The following GARRE1 variants were observed in gnomAD, a reference collection of about 807,000 sequenced individuals.
GARRE1 encodes the protein granule associated Rac and RHOG effector 1.
In GARRE1, 49 loss-of-function variants were observed where a neutral mutation model predicts 103.2. That is an observed-to-expected ratio of 0.47 (90% CI 0.38 to 0.60). The LOEUF (loss-of-function observed/expected upper bound fraction) is 0.60. Ranked by LOEUF, GARRE1 falls within the 20% of genes least tolerant of loss-of-function variation. The pLI, the probability that GARRE1 is intolerant of heterozygous loss-of-function variation, is 0.00. For missense variants in GARRE1, 1,199 were observed against 1,370.5 expected (o/e 0.87, Z 1.98); for synonymous variants, 505 against 532.8 (o/e 0.95, Z 0.72).
At chr19:34,345,184 C>A (rs1039863285) in intron 10 of GARRE1, among the ~76,000 whole-genome samples, 5 of 152,100 alleles carry the variant, frequency 3.3e-5, no homozygotes, top group Admixed American at 1.3e-4. Flanking sequence ...ACCTCCTGAC[C>A]TCAGGTGATC....
rs2074249950 is a variant in GARRE1, at chr19:34,353,153, G to A, written c.*198G>A. On this transcript the variant is annotated 3_prime_UTR_variant, in exon 14 of 14. Coordinates refer to ENST00000299505, the MANE Select transcript of GARRE1 (RefSeq NM_014686.5). ...CCTGGCTTCTGAAACGATGGCATCA[G>A]AGCCCTGGAGAGCCAGCTGGAGACA... 2 of 545,160 alleles carry A rather than the reference G, an allele frequency of 3.7e-6. No homozygotes were observed. The highest frequency in any genetic ancestry group is 4.8e-4 in the Middle Eastern group (1 of 2,096). The allele number at this position is 545,160 out of a possible 1,614,324, so 33.8% of individuals were successfully genotyped here.
chr19:34,276,893 G>T (rs1028391424), intron 1 of GARRE1, among the ~76,000 whole-genome samples: 1 of 152,184 alleles, frequency 6.6e-6, no homozygotes, highest in Non-Finnish European at 1.5e-5. Context: ...TGTGCCAGGT[G>T]GTAAAGTGTA....
At chr19:34,312,015 T>C (rs1195791270) in intron 2 of GARRE1, among the ~76,000 whole-genome samples, 2 of 151,972 alleles carry the variant, frequency 1.3e-5, no homozygotes, top group East Asian at 3.9e-4. Flanking sequence ...GGAGTCTCAC[T>C]GTGTTGCCCA....
intron 10 of GARRE1, among the ~76,000 whole-genome samples, chr19:34,347,334 C>T (rs2074216173): frequency 6.6e-6 from 1 of 152,120 alleles, no homozygotes; most frequent in Non-Finnish European, 1.5e-5. Context: ...TCGTGATCCA[C>T]CCACCTCAGC....
intron 7 of GARRE1, among the ~76,000 whole-genome samples, chr19:34,330,883 C>G (rs928801497): frequency 6.7e-6 from 1 of 149,868 alleles, no homozygotes; most frequent in African/African-American, 2.4e-5. Context: ...GGTAGGCACC[C>G]GCCACCACAT....
chr19:34,257,309 G>A (rs1267403865), intron 1 of GARRE1, among the ~76,000 whole-genome samples: 1 of 152,116 alleles, frequency 6.6e-6, no homozygotes, highest in African/African-American at 2.4e-5. Context: ...CTGAAAGCTA[G>A]CAGGCTGGGA....
intron 1 of GARRE1, among the ~76,000 whole-genome samples, chr19:34,287,997 C>T (rs1284418456): frequency 2.0e-5 from 3 of 152,154 alleles, no homozygotes; most frequent in Admixed American, 6.5e-5. Context: ...CTGATGACCA[C>T]ACCCTGACAA....
chr19:34,308,383 A>G (rs2074021247), intron 2 of GARRE1, among the ~76,000 whole-genome samples: 1 of 152,094 alleles, frequency 6.6e-6, no homozygotes, highest in African/African-American at 2.4e-5. Flanking sequence ...TGCTAATCAG[A>G]AACTGAAGTT....
intron 1 of GARRE1, among the ~76,000 whole-genome samples, chr19:34,289,163 G>C (rs1353103050): frequency 1.3e-5 from 2 of 150,880 alleles, no homozygotes; most frequent in Non-Finnish European, 3.0e-5. Flanking sequence ...GGTTGGGCAT[G>C]GCGGCTCACG....
At chr19:34,304,841 G>C (rs921209776) in intron 2 of GARRE1, among the ~76,000 whole-genome samples, 1 of 151,394 alleles carries the variant, frequency 6.6e-6, no homozygotes, top group East Asian at 1.9e-4. Flanking sequence ...GCCCAGGCTG[G>C]AGTGCAGTGG....
rs558455019 is a variant in GARRE1, at chr19:34,352,700, G to C, written c.2958G>C (p.Pro986=). 6.2e-6 allele frequency: 10 copies of C among 1,613,704 alleles called. No homozygotes were observed. The South Asian group carries it at 8.8e-5, about 14-fold the overall frequency. The stretch of plus-strand genomic sequence containing the variant: ...AAGCACCCTGGCAGCACCCTTCCCC[G>C]CTTCCCAGCACGCTGCCCAGCCCCA... ...PPKAPWQHPS[P]LPSTLPSPSA... is the part of the protein sequence containing the mutation. Residue 986 remains proline (P), a synonymous_variant, in exon 14 of 14, where the codon CCG becomes CCC. Transcript: ENST00000299505.
chr19:34,301,588 A>G (rs528748047), intron 2 of GARRE1, among the ~76,000 whole-genome samples: 4 of 151,852 alleles, frequency 2.6e-5, no homozygotes, highest in Admixed American at 2.6e-4. Context: ...TGTCTTTCAA[A>G]TTTTCAAGTC....
intron 10 of GARRE1, among the ~76,000 whole-genome samples, chr19:34,346,540 G>T (rs1056273634): frequency 1.3e-5 from 2 of 152,058 alleles, no homozygotes; most frequent in East Asian, 3.8e-4. Flanking sequence ...TAACGTTCAG[G>T]TTATCAGTTG....
chr19:34,345,957 T>A (rs1196668249), intron 10 of GARRE1, among the ~76,000 whole-genome samples: 2 of 152,248 alleles, frequency 1.3e-5, no homozygotes, highest in Admixed American at 1.3e-4. Flanking sequence ...CTGAAGTCCA[T>A]GGTGTAGTTT....
intron 1 of GARRE1, among the ~76,000 whole-genome samples, chr19:34,261,511 A>G (rs1047136371): frequency 1.3e-5 from 2 of 152,132 alleles, no homozygotes; most frequent in African/African-American, 2.4e-5. Flanking sequence ...AATGACAGAT[A>G]AGCTCTTCCT....
rs1296094708 is a variant in GARRE1 at position 34,354,892 on chromosome 19, C to T, written c.*1937C>T. 6.6e-6 allele frequency: 1 copy of T among 152,528 alleles called. No individual in the cohort carries two copies. The highest frequency in any genetic ancestry group is 1.5e-5 in the Non-Finnish European group (1 of 68,022). The allele number at this position is 152,528 out of a possible 1,614,324, so 9.4% of individuals were successfully genotyped here. Reference sequence around the variant, plus strand: ...CTTTTGCCGTGGTTCTGAGCATTCACCTCACCATGTTTACAAAGAACTGTT... The same window carrying T: ...CTTTTGCCGTGGTTCTGAGCATTCATCTCACCATGTTTACAAAGAACTGTT... On this transcript the variant is annotated 3_prime_UTR_variant, in exon 14 of 14. Transcript: ENST00000299505.
At chr19:34,306,476 C>T (rs1046620523) in intron 2 of GARRE1, among the ~76,000 whole-genome samples, 1 of 152,210 alleles carries the variant, frequency 6.6e-6, no homozygotes, top group African/African-American at 2.4e-5. Context: ...TGGTTGCTGA[C>T]TGTGTGCTCT....
At chr19:34,352,521 G>T in intron 13 of GARRE1, 126 bp from the exon 14 acceptor site, 1 of 744,192 alleles carries the variant, frequency 1.3e-6, no homozygotes, top group East Asian at 2.5e-5. Context: ...TGTTGGACAG[G>T]GGTGTGGGAG....
chr19:34,265,857 C>G (rs941598330), intron 1 of GARRE1, among the ~76,000 whole-genome samples: 2 of 152,152 alleles, frequency 1.3e-5, no homozygotes, highest in African/African-American at 4.8e-5. Flanking sequence ...AAGAGTTAGG[C>G]GACTTGCTCA....
Sources: allele counts gnomAD v4.1 joint callset (sites outside exome capture counted in the v4.1 genomes callset), GRCh38; gene constraint gnomAD v4.1.1; transcripts MANE v1.5; gene names NCBI Gene and HGNC (gene_info 2026-07-23, HGNC 2026-07-21).